Variants in ETFRF1 observed in about 807,000 individuals in gnomAD.
ETFRF1 encodes electron transfer flavoprotein regulatory factor 1.
A neutral mutation model predicts 9.0 loss-of-function variants in ETFRF1; 12 were observed. The ratio of observed to expected loss-of-function variants is 1.34; its 90% CI spans 0.86 to 2.16. The LOEUF is 2.16. Ranked by LOEUF, ETFRF1 falls within the 30% of genes most tolerant of loss-of-function variation. ETFRF1 has a pLI of 0.00. For missense variants in ETFRF1, 98 were observed against 101.8 expected, an observed-to-expected ratio of 0.96 and a Z score of 0.16; for synonymous variants, 34 against 33.2, an observed-to-expected ratio of 1.02 and a Z score of -0.08.
At chr12:25,202,436 C>G (rs922352171) in intron 1 of ETFRF1, among the ~76,000 whole-genome samples, 1 of 151,920 alleles carries the variant, frequency 6.6e-6, no homozygotes, top group African/African-American at 2.4e-5. Context: ...AGCAGCCTAG[C>G]AGGGGATGAG....
intron 1 of ETFRF1, among the ~76,000 whole-genome samples, chr12:25,198,737 TG>T (rs1951051213): frequency 6.6e-6 from 1 of 152,230 alleles, no homozygotes; most frequent in Non-Finnish European, 1.5e-5. Context: ...CAAGTATTAA[TG>T]TAGAAGTATT....
intron 1 of ETFRF1, among the ~76,000 whole-genome samples, chr12:25,197,188 T>A (rs7137734): frequency 6.6e-6 from 1 of 151,706 alleles, no homozygotes; most frequent in Non-Finnish European, 1.5e-5. Flanking sequence ...TTAATTCATA[T>A]AAGTTAACAT....
Position 25,195,334 on chromosome 12 carries a change from G to C in ETFRF1, c.-41G>C. 1 of 600,716 alleles carries C rather than the reference G, an allele frequency of 1.7e-6. No individual in the cohort carries two copies. Among genetic ancestry groups the C allele is most frequent in the East Asian group, 2.8e-5 (1 of 36,198 alleles). The allele number at this position is 600,716 out of a possible 1,614,324, so 37.2% of individuals were successfully genotyped here. ...AGGCTTTTGCGGCTCCGGCGTGCCG[G>C]AAAGTGCGTGAGTGCCGCCGCCGGG... On this transcript the variant is annotated 5_prime_UTR_variant, in exon 1 of 3. Transcript: ENST00000381356.
At chr12:25,201,219 A>G (rs930314492) in intron 1 of ETFRF1, among the ~76,000 whole-genome samples, 2 of 152,310 alleles carry the variant, frequency 1.3e-5, no homozygotes, top group East Asian at 1.9e-4. Flanking sequence ...TCAGGTATCA[A>G]TTCTACACTT....
intron 1 of ETFRF1, among the ~76,000 whole-genome samples, chr12:25,196,764 A>C (rs942210311): frequency 6.6e-5 from 10 of 152,144 alleles, no homozygotes; most frequent in African/African-American, 2.4e-4. Context: ...GCCCTGCTGA[A>C]CTCAAAATTG....
At position 25,204,071 on chromosome 12, in the gene ETFRF1, T is replaced by C. The variant is rs566585421; in HGVS notation, c.52-20T>C. Reference sequence around the variant, plus strand: ...ATATGACATGGATTGTTTAGAAATATATAATCTTTCTTTTTGAAGCTGCTG... The same window carrying C: ...ATATGACATGGATTGTTTAGAAATACATAATCTTTCTTTTTGAAGCTGCTG... On this transcript the variant is annotated intron_variant, in intron 2 of 2. Coordinates refer to ENST00000381356, the MANE Select transcript of ETFRF1 (RefSeq NM_001001660.3). 6 of 1,553,740 alleles carry C rather than the reference T, an allele frequency of 3.9e-6. No individual in the cohort carries two copies. Among genetic ancestry groups the C allele is most frequent in the South Asian group, 2.4e-5 (2 of 84,322 alleles).
At chr12:25,196,302 T>G (rs1951003227) in intron 1 of ETFRF1, 1 of 152,234 alleles carries the variant, frequency 6.6e-6, no homozygotes, top group Middle Eastern at 3.2e-3. Flanking sequence ...GATATGAAAG[T>G]TAAGGCTTCC....
chr12:25,203,850 G>A, intron 1 of ETFRF1, 70 bp from the exon 2 acceptor site: 1 of 873,512 alleles, frequency 1.1e-6, no homozygotes, highest in Non-Finnish European at 1.6e-6. Flanking sequence ...TTTTCTCAAT[G>A]TGTATAACCT....
chr12:25,202,588 G>A (rs1951084201), intron 1 of ETFRF1, among the ~76,000 whole-genome samples: 1 of 152,124 alleles, frequency 6.6e-6, no homozygotes. Flanking sequence ...AAAGGGGGAA[G>A]AGAAGACCAT....
Position 25,198,978 on chromosome 12 carries a change from G to A in ETFRF1, c.-38+3641G>A, listed in dbSNP as rs149982284. On this transcript the variant is annotated intron_variant, in intron 1 of 2. Coordinates refer to ENST00000381356, the MANE Select transcript of ETFRF1 (RefSeq NM_001001660.3). ...CCTACCCACGAATTGGCAGCCTTGT[G>A]GTTTAGATGGATTTCTACTTCCATG... Among the ~76,000 whole-genome samples, 63 of 152,216 alleles carry A rather than the reference G, an allele frequency of 4.1e-4. 1 individual carries two copies. In the East Asian group the frequency reaches 0.012, roughly 29 times the overall value.
In ETFRF1 at chr12:25,204,334, T is replaced by TATC. The variant is rs1476530567; in HGVS notation, c.*24_*26dup. ...TTGATCATTACTACTTTAATTTAGCTATCAGTGCCAGCTGTTTATGTATAC... is the reference window on the plus strand; with the variant it reads ...TTGATCATTACTACTTTAATTTAGCTATCATCAGTGCCAGCTGTTTATGTATAC... On this transcript the variant is annotated 3_prime_UTR_variant, in exon 3 of 3. Coordinates refer to ENST00000381356, the MANE Select transcript of ETFRF1 (RefSeq NM_001001660.3). The TATC allele has an allele frequency of 1.3e-6, 2 of 1,515,272 alleles. No homozygotes were observed. The highest frequency in any genetic ancestry group is 2.3e-5 in the Admixed American group (1 of 44,338). The allele number at this position is 1,515,272 out of a possible 1,614,324, so 93.9% of individuals were successfully genotyped here. A position where few individuals can be genotyped will look rare whatever the true frequency, so the allele number is the denominator to read the frequency against.
intron 1 of ETFRF1, among the ~76,000 whole-genome samples, chr12:25,196,779 T>C (rs1951022303): frequency 6.6e-6 from 1 of 152,204 alleles, no homozygotes; most frequent in Non-Finnish European, 1.5e-5. Context: ...AAATTGTTTA[T>C]TCACTACATT....
intron 1 of ETFRF1, among the ~76,000 whole-genome samples, chr12:25,201,828 A>T (rs1951075548): frequency 6.6e-6 from 1 of 152,128 alleles, no homozygotes; most frequent in Non-Finnish European, 1.5e-5. Flanking sequence ...TATGTAGCGC[A>T]TGATTTTTAA....
intron 1 of ETFRF1, among the ~76,000 whole-genome samples, chr12:25,196,644 C>T (rs1296799329): frequency 1.3e-5 from 2 of 152,232 alleles, no homozygotes; most frequent in Admixed American, 6.5e-5. Context: ...CCAGCGCACA[C>T]ATCCAAGTTT....
At chr12:25,201,562 T>C (rs1044710654) in intron 1 of ETFRF1, among the ~76,000 whole-genome samples, 3 of 152,202 alleles carry the variant, frequency 2.0e-5, no homozygotes, top group African/African-American at 7.2e-5. Flanking sequence ...TTTTGTTTCA[T>C]AACTTGAATG....
chr12:25,199,627 C>A (rs973389747), intron 1 of ETFRF1, among the ~76,000 whole-genome samples: 1 of 150,672 alleles, frequency 6.6e-6, no homozygotes, highest in African/African-American at 2.4e-5. Flanking sequence ...CATACACACA[C>A]ACACACACAC....
intron 1 of ETFRF1, among the ~76,000 whole-genome samples, chr12:25,201,547 A>G (rs550888461): frequency 9.5e-4 from 144 of 152,262 alleles, no homozygotes; most frequent in Non-Finnish European, 7.6e-4. Flanking sequence ...GGGGGCTTCT[A>G]AGACTTTTGT....
rs1592779660 is a variant in ETFRF1 at position 25,195,340 on chromosome 12, G to T, written c.-38+3G>T. 2 of 599,174 alleles carry T rather than the reference G, an allele frequency of 3.3e-6. No individual in the cohort carries two copies. Among genetic ancestry groups the T allele is most frequent in the East Asian group, 5.5e-5 (2 of 36,116 alleles). The allele number at this position is 599,174 out of a possible 1,614,324, so 37.1% of individuals were successfully genotyped here. On this transcript the variant is annotated splice_donor_region_variant and intron_variant, in intron 1 of 2. Coordinates refer to ENST00000381356, the MANE Select transcript of ETFRF1 (RefSeq NM_001001660.3). ...TTGCGGCTCCGGCGTGCCGGAAAGT[G>T]CGTGAGTGCCGCCGCCGGGGAGTTT...
In ETFRF1 at chr12:25,204,305, C is replaced by CTAA; in HGVS notation, c.268_270dup (p.Asn90dup). On this transcript the variant is annotated inframe_insertion, in exon 3 of 3. Coordinates refer to ENST00000381356, the MANE Select transcript of ETFRF1 (RefSeq NM_001001660.3). The stretch of plus-strand genomic sequence containing the variant: ...CGCTATTATTCAGATACCAACAAAA[C>CTAA]TAATTGATCATTACTACTTTAATTT... 5.7e-6 allele frequency: 9 copies of CTAA among 1,569,550 alleles called. No homozygotes were observed. The highest frequency in any genetic ancestry group is 7.7e-6 in the Non-Finnish European group (9 of 1,163,824).
Sources: allele counts gnomAD v4.1 joint callset (sites outside exome capture counted in the v4.1 genomes callset), GRCh38; gene constraint gnomAD v4.1.1; transcripts MANE v1.5; gene names NCBI Gene and HGNC (gene_info 2026-07-23, HGNC 2026-07-21).